Variants in RMI2 observed in about 807,000 individuals in gnomAD.
The protein encoded by RMI2 is RecQ mediated genome instability 2, also known as recQ-mediated genome instability protein 2.
RMI2 carries 11 observed loss-of-function variants against 8.4 expected under a neutral mutation model. The observed-to-expected ratio is 1.32, with a 90% CI of 0.83 to 2.18. The LOEUF is 2.18. Ranked by LOEUF, RMI2 falls within the 30% of genes most tolerant of loss-of-function variation. The probability of loss-of-function intolerance (pLI) is 0.00; values close to 1 mark genes in which losing one functional copy is unlikely to be tolerated. For missense variants in RMI2, 253 were observed against 207.5 expected (o/e 1.22, Z -1.35); for synonymous variants, 105 against 93.8 (o/e 1.12, Z -0.69).
rs2070963114 is a variant in RMI2 at position 11,350,928 on chromosome 16, G to A, written c.*138G>A. On this transcript the variant is annotated 3_prime_UTR_variant, in exon 2 of 2. Transcript: ENST00000312499. ...GAGAGCCTTGCTTTGGTTGACCAAG[G>A]AGTCCGGATGTAGGAATGTTTAAAT... 1 of 638,482 alleles carries A rather than the reference G, an allele frequency of 1.6e-6. No individual in the cohort carries two copies. Among genetic ancestry groups the A allele is most frequent in the East Asian group, 3.1e-5 (1 of 32,052 alleles). 39.6% of individuals were successfully genotyped at this position (638,482 alleles called of 1,614,324 possible).
At chr16:11,348,274 C>A (rs577373297) in intron 1 of RMI2, 1 of 152,252 alleles carries the variant, frequency 6.6e-6, no homozygotes, top group Non-Finnish European at 1.5e-5. Context: ...TTGTCTCGCC[C>A]TTTACAGAAA....
rs1376590137 is a variant in RMI2 at position 11,345,780 on chromosome 16, C to T, written c.295+14C>T. ...GTCTAGTCCCAGGTAATGCCCGGGC[C>T]TTACCGGGCGCCCTCTTCCCTGCTG... On this transcript the variant is annotated intron_variant, in intron 1 of 1. Transcript: ENST00000312499. The T allele has an allele frequency of 3.2e-6, 4 of 1,232,802 alleles. No homozygotes were observed. The highest frequency in any genetic ancestry group is 4.0e-6 in the Non-Finnish European group (4 of 988,116). The allele number at this position is 1,232,802 out of a possible 1,614,324, so 76.4% of individuals were successfully genotyped here.
In RMI2 at chr16:11,346,253, C is replaced by G. The variant is rs954413760; in HGVS notation, c.295+487C>G. 7.7e-5 allele frequency among the ~76,000 whole-genome samples: 10 copies of G among 130,196 alleles called. No individual in the cohort carries two copies. In the East Asian group the frequency reaches 1.9e-3, roughly 24 times the overall value. 85.4% of individuals were successfully genotyped at this position (130,196 alleles called of 152,430 possible). A position where few individuals can be genotyped will look rare whatever the true frequency, so the allele number is the denominator to read the frequency against. On this transcript the variant is annotated intron_variant, in intron 1 of 1. Transcript: ENST00000312499. ...TGTAGCTCACTCATGTTTGCCTCCT[C>G]TCTTTTTTTTTTTTTTTTTTTTTTG... is the stretch of plus-strand genomic sequence containing the variant.
intron 1 of RMI2, among the ~76,000 whole-genome samples, chr16:11,347,017 T>C (rs2070884861): frequency 6.6e-6 from 1 of 152,204 alleles, no homozygotes; most frequent in African/African-American, 2.4e-5. Flanking sequence ...CAAGAACCAA[T>C]AGTCTTGAGT....
rs1313073037 is a variant in RMI2, at chr16:11,351,318, G to C, written c.*528G>C. ...GCGAGTCAAATGGCATTTCCTAACG[G>C]CAGGCATGGCGGCCCCTGAAAGACA... is the stretch of plus-strand genomic sequence containing the variant. On this transcript the variant is annotated 3_prime_UTR_variant, in exon 2 of 2. Transcript: ENST00000312499. The C allele has an allele frequency of 4.3e-6, 1 of 232,736 alleles. No individual in the cohort carries two copies. The highest frequency in any genetic ancestry group is 8.5e-6 in the Non-Finnish European group (1 of 117,766). 14.4% of individuals were successfully genotyped at this position (232,736 alleles called of 1,614,324 possible).
At chr16:11,346,255 CTTTTT>C (rs34808246) in intron 1 of RMI2, among the ~76,000 whole-genome samples, 4 of 115,934 alleles carry the variant, frequency 3.5e-5, no homozygotes, top group African/African-American at 1.0e-4. Context: ...TGCCTCCTCT[CTTTTT>C]TTTTTTTTTT....
intron 1 of RMI2, among the ~76,000 whole-genome samples, chr16:11,347,456 A>G (rs2070892240): frequency 6.6e-6 from 1 of 152,212 alleles, no homozygotes. Context: ...ACCCCTTCCC[A>G]ACTGAGCTGC....
chr16:11,345,460 C>A lies in RMI2; in HGVS notation c.-12C>A, dbSNP rs1394477723. 1.5e-6 allele frequency: 2 copies of A among 1,295,818 alleles called. No homozygotes were observed. Among genetic ancestry groups the A allele is most frequent in the Non-Finnish European group, 2.0e-6 (2 of 1,019,172 alleles). 80.3% of individuals were successfully genotyped at this position (1,295,818 alleles called of 1,614,324 possible). On this transcript the variant is annotated 5_prime_UTR_variant, in exon 1 of 2. Transcript: ENST00000312499. ...AAAGCGGAGGCGGGGCGGAAGGGTG[C>A]GGCGAGGCGGAATGGCGGCGGCTGC...
intron 1 of RMI2, among the ~76,000 whole-genome samples, chr16:11,346,221 C>G (rs1457464310): frequency 6.7e-6 from 1 of 149,486 alleles, no homozygotes; most frequent in Non-Finnish European, 1.5e-5. Context: ...ATTGAACTGT[C>G]TTGGGCTGTA....
chr16:11,347,016 A>G (rs886344643), intron 1 of RMI2, among the ~76,000 whole-genome samples: 10 of 152,234 alleles, frequency 6.6e-5, no homozygotes, highest in East Asian at 5.8e-4. Flanking sequence ...CCAAGAACCA[A>G]TAGTCTTGAG....
chr16:11,346,150 C>T (rs1173945383), intron 1 of RMI2, among the ~76,000 whole-genome samples: 1 of 152,050 alleles, frequency 6.6e-6, no homozygotes, highest in South Asian at 2.1e-4. Context: ...TCAAATGTGC[C>T]TTTCTCAGGG....
chr16:11,345,526 A>T lies in RMI2; in HGVS notation c.55A>T (p.Arg19Trp), dbSNP rs978713654. ...SGGPAGVRLPRSPPLKVLAEQ... is the reference protein window; with the variant it reads ...SGGPAGVRLPWSPPLKVLAEQ... Reference sequence around the variant, plus strand: ...CGGCCCCGCGGGGGTGCGGCTTCCGAGGTCGCCGCCACTCAAGGTGCTGGC... The same window carrying T: ...CGGCCCCGCGGGGGTGCGGCTTCCGTGGTCGCCGCCACTCAAGGTGCTGGC... The change falls in exon 1 of 2, where the codon AGG (arginine) becomes TGG (tryptophan). Residue 19 changes from arginine to tryptophan, a missense_variant. Arg to Trp is a moderately radical substitution (Grantham distance 101). Coordinates refer to ENST00000312499, the MANE Select transcript of RMI2 (RefSeq NM_152308.3). 1.5e-6 allele frequency: 2 copies of T among 1,290,912 alleles called. No individual in the cohort carries two copies. The highest frequency in any genetic ancestry group is 3.1e-5 in the African/African-American group (2 of 65,342). The allele number at this position is 1,290,912 out of a possible 1,614,324, so 80.0% of individuals were successfully genotyped here. A position where few individuals can be genotyped will look rare whatever the true frequency, so the allele number is the denominator to read the frequency against.
rs549747817 is a variant in RMI2 at position 11,345,520 on chromosome 16, C to G, written c.49C>G (p.Leu17Val). 408 of 1,295,688 alleles carry G rather than the reference C, an allele frequency of 3.1e-4. 3 individuals are homozygous for G. The African/African-American group carries it at 5.5e-3, about 17-fold the overall frequency. 80.3% of individuals were successfully genotyped at this position (1,295,688 alleles called of 1,614,324 possible). A position where few individuals can be genotyped will look rare whatever the true frequency, so the allele number is the denominator to read the frequency against. The part of the protein sequence containing the change: ...SFSGGPAGVR[L>V]PRSPPLKVLA... The stretch of plus-strand genomic sequence containing the variant: ...CTCAGGCGGCCCCGCGGGGGTGCGG[C>G]TTCCGAGGTCGCCGCCACTCAAGGT... Residue 17 changes from leucine to valine, a missense_variant, in exon 1 of 2, where the codon CTT (leucine) becomes GTT (valine). Leu to Val is a conservative substitution (Grantham distance 32). Coordinates refer to ENST00000312499, the MANE Select transcript of RMI2 (RefSeq NM_152308.3).
In RMI2 at chr16:11,345,564, G is replaced by T; in HGVS notation, c.93G>T (p.Arg31=). 8.1e-7 allele frequency: 1 copy of T among 1,229,616 alleles called. No homozygotes were observed. The highest frequency in any genetic ancestry group is 1.6e-5 in the African/African-American group (1 of 64,146). 76.2% of individuals were successfully genotyped at this position (1,229,616 alleles called of 1,614,324 possible). A position where few individuals can be genotyped will look rare whatever the true frequency, so the allele number is the denominator to read the frequency against. The change falls in exon 1 of 2, where the codon CGG becomes CGT. Residue 31 remains arginine (R), a synonymous_variant. Transcript: ENST00000312499. ...TCAAGGTGCTGGCGGAGCAGCTGCG[G>T]CGCGACGCGGAGGGCGGCCCGGGCG... is the stretch of plus-strand genomic sequence containing the variant. ...PPLKVLAEQL[R]RDAEGGPGAW... is the part of the protein sequence containing the mutation.
intron 1 of RMI2, among the ~76,000 whole-genome samples, chr16:11,346,255 C>CTTTTTTTT (rs34808246): frequency 4.3e-5 from 5 of 115,952 alleles, no homozygotes; most frequent in Admixed American, 1.8e-4. Flanking sequence ...TGCCTCCTCT[C>CTTTTTTTT]TTTTTTTTTT....
At chr16:11,350,243 T>C (rs1007182745) in intron 1 of RMI2, among the ~76,000 whole-genome samples, 3 of 152,332 alleles carry the variant, frequency 2.0e-5, no homozygotes, top group Admixed American at 6.5e-5. Flanking sequence ...CCTCCATTCC[T>C]TGGGCGTGGT....
chr16:11,345,773 C>T lies in RMI2; in HGVS notation c.295+7C>T, dbSNP rs1384930879. Reference sequence around the variant, plus strand: ...CGGCCCTGTCTAGTCCCAGGTAATGCCCGGGCCTTACCGGGCGCCCTCTTC... The same window carrying T: ...CGGCCCTGTCTAGTCCCAGGTAATGTCCGGGCCTTACCGGGCGCCCTCTTC... On this transcript the variant is annotated splice_region_variant and intron_variant, in intron 1 of 1. Coordinates refer to ENST00000312499, the MANE Select transcript of RMI2 (RefSeq NM_152308.3). The T allele has an allele frequency of 8.1e-7, 1 of 1,233,964 alleles. No homozygotes were observed. The highest frequency in any genetic ancestry group is 1.0e-6 in the Non-Finnish European group (1 of 988,738). The allele number at this position is 1,233,964 out of a possible 1,614,324, so 76.4% of individuals were successfully genotyped here. A position where few individuals can be genotyped will look rare whatever the true frequency, so the allele number is the denominator to read the frequency against.
At position 11,345,598 on chromosome 16, in the gene RMI2, C is replaced by T; in HGVS notation, c.127C>T (p.Leu43=). The change falls in exon 1 of 2, where the codon CTG becomes TTG. Residue 43 remains leucine (L), a synonymous_variant. Transcript: ENST00000312499. ...GGAGGGCGGCCCGGGCGCGTGGCGG[C>T]TGTCACGGGCGGCGGCGGGCCGCGG... ...DAEGGPGAWR[L]SRAAAGRGPL... 1 of 1,223,654 alleles carries T rather than the reference C, an allele frequency of 8.2e-7. No homozygotes were observed. Among genetic ancestry groups the T allele is most frequent in the Admixed American group, 4.3e-5 (1 of 23,318 alleles). 75.8% of individuals were successfully genotyped at this position (1,223,654 alleles called of 1,614,324 possible). A position where few individuals can be genotyped will look rare whatever the true frequency, so the allele number is the denominator to read the frequency against.
In RMI2 at chr16:11,349,376, G is replaced by A. The variant is rs2070931935; in HGVS notation, c.296-1266G>A. The A allele has an allele frequency of 6.6e-6, 1 of 152,450 alleles. No homozygotes were observed. The highest frequency in any genetic ancestry group is 2.4e-5 in the African/African-American group (1 of 41,442). The allele number at this position is 152,450 out of a possible 1,614,324, so 9.4% of individuals were successfully genotyped here. A position where few individuals can be genotyped will look rare whatever the true frequency, so the allele number is the denominator to read the frequency against. ...GAGCTGCTTTGGAGTGGGAGAGGGT[G>A]TGGGTAGAACCTACAAGGTCAATTT... On this transcript the variant is annotated intron_variant, in intron 1 of 1. Coordinates refer to ENST00000312499, the MANE Select transcript of RMI2 (RefSeq NM_152308.3). The surrounding 1 kb of genome is among the most constrained non-coding windows in gnomAD (Gnocchi z 4.2).
Sources: gnomAD v4.1 joint callset for allele counts (sites outside exome capture counted in the v4.1 genomes callset) on GRCh38, gnomAD v4.1.1 for gene constraint, Gnocchi (gnomAD v3.1) non-coding constraint, MANE v1.5 for transcripts, NCBI Gene and HGNC (gene_info 2026-07-23, HGNC 2026-07-21) for gene names.